The following FER variants were observed in gnomAD, a reference collection of about 807,000 sequenced individuals.
FER encodes the protein tyrosine-protein kinase Fer.
Under a neutral mutation model 111.0 loss-of-function variants are expected in FER, and 63 were observed. The observed-to-expected ratio is 0.57, with a 90% CI of 0.46 to 0.70. The LOEUF (loss-of-function observed/expected upper bound fraction) is 0.70. FER is among the 30% of genes least tolerant of loss of function. The probability of loss-of-function intolerance (pLI) is 0.00; values close to 1 mark genes in which losing one functional copy is unlikely to be tolerated. For synonymous variants in FER, 327 were observed against 313.9 expected (o/e 1.04, Z -0.44); for missense variants, 914 against 954.0 (o/e 0.96, Z 0.55).
chr5:108,850,952 A>T (rs867195352), intron 5 of FER, among the ~76,000 whole-genome samples: 16 of 152,320 alleles, frequency 1.1e-4, no homozygotes, highest in African/African-American at 3.6e-4. Flanking sequence ...AACATGAATT[A>T]AATTAAACTC....
Position 108,868,310 on chromosome 5 carries a change from A to G in FER, c.665+360A>G, listed in dbSNP as rs184003546. Reference sequence around the variant, plus strand: ...AGAGGCTCAAGGAAGAGATTTTTTGAAAGTTTATTTGTCAGCTTCTTGTTT... The same window carrying G: ...AGAGGCTCAAGGAAGAGATTTTTTGGAAGTTTATTTGTCAGCTTCTTGTTT... On this transcript the variant is annotated intron_variant, in intron 6 of 19. Coordinates refer to ENST00000281092, the MANE Select transcript of FER (RefSeq NM_005246.4). 2.0e-3 allele frequency among the ~76,000 whole-genome samples: 303 copies of G among 151,284 alleles called. 1 individual carries two copies. The highest frequency in any genetic ancestry group is 3.1e-3 in the Non-Finnish European group (208 of 67,412).
chr5:108,991,641 C>T (rs1004145821), intron 13 of FER, among the ~76,000 whole-genome samples: 1 of 151,920 alleles, frequency 6.6e-6, no homozygotes, highest in African/African-American at 2.4e-5. Context: ...TCAATATCTC[C>T]TTCCTTATTC....
intron 10 of FER, among the ~76,000 whole-genome samples, chr5:108,932,920 A>C (rs1225596689): frequency 2.1e-5 from 3 of 145,652 alleles, no homozygotes; most frequent in Non-Finnish European, 4.5e-5. Context: ...TTCCTTGTAG[A>C]TTCTGGATAT....
At chr5:108,904,233 A>C (rs1385221599) in intron 10 of FER, among the ~76,000 whole-genome samples, 1 of 152,206 alleles carries the variant, frequency 6.6e-6, no homozygotes, top group Non-Finnish European at 1.5e-5. Context: ...ACAAACAAAT[A>C]AATACATAGT....
intron 13 of FER, among the ~76,000 whole-genome samples, chr5:108,992,264 C>A (rs952272717): frequency 6.6e-6 from 1 of 152,240 alleles, no homozygotes; most frequent in African/African-American, 2.4e-5. Context: ...AAAAGTCTCC[C>A]ATGTCTACTT....
intron 16 of FER, among the ~76,000 whole-genome samples, chr5:109,081,812 A>C (rs1777016385): frequency 6.6e-6 from 1 of 151,956 alleles, no homozygotes; most frequent in Admixed American, 6.6e-5. Flanking sequence ...ATACTCCTAA[A>C]GTATTTATTA....
chr5:109,131,822 A>G lies in FER; in HGVS notation c.2048+31303A>G, dbSNP rs528588676. Among the ~76,000 whole-genome samples the G allele has an allele frequency of 1.2e-4, 19 of 152,280 alleles. No homozygotes were observed. The South Asian group carries it at 3.9e-3, about 32-fold the overall frequency. On this transcript the variant is annotated intron_variant, in intron 17 of 19. Coordinates refer to ENST00000281092, the MANE Select transcript of FER (RefSeq NM_005246.4). ...TAGCTAATAGTTTTGTTATTAGGTT[A>G]AGGGCCTAGGAATCATTGTTTAGCC...
At chr5:108,960,979 T>C (rs1475290484) in intron 13 of FER, among the ~76,000 whole-genome samples, 4 of 152,112 alleles carry the variant, frequency 2.6e-5, no homozygotes, top group Non-Finnish European at 2.9e-5. Flanking sequence ...TCCCAGCTAC[T>C]TGGGGGGCTG....
At chr5:109,057,076 T>G (rs1189336661) in intron 16 of FER, among the ~76,000 whole-genome samples, 1 of 152,206 alleles carries the variant, frequency 6.6e-6, no homozygotes, top group Non-Finnish European at 1.5e-5. Flanking sequence ...AGTATATCTC[T>G]GTAGTTACAT....
intron 9 of FER, among the ~76,000 whole-genome samples, chr5:108,885,824 G>C (rs1162890544): frequency 1.3e-5 from 2 of 151,838 alleles, no homozygotes; most frequent in East Asian, 3.9e-4. Flanking sequence ...GCGAGAACAG[G>C]AAAATTTGAG....
intron 17 of FER, among the ~76,000 whole-genome samples, chr5:109,126,678 T>C (rs1211946949): frequency 2.0e-5 from 3 of 152,198 alleles, no homozygotes; most frequent in African/African-American, 7.2e-5. Context: ...ATTGTTTATT[T>C]TGTGCCAAGT....
At chr5:109,044,572 A>G (rs73779118) in intron 14 of FER, 108 bp from the exon 15 acceptor site, 1 of 573,932 alleles carries the variant, frequency 1.7e-6, no homozygotes, top group Non-Finnish European at 3.1e-6. Flanking sequence ...CACTGGTGAT[A>G]TTGACATGTA....
intron 9 of FER, among the ~76,000 whole-genome samples, chr5:108,891,217 A>G (rs1202956939): frequency 1.3e-5 from 2 of 151,748 alleles, no homozygotes; most frequent in East Asian, 1.9e-4. Context: ...TCATTTTCTA[A>G]TTGGATGTTT....
chr5:109,144,884 T>C (rs1753908547), intron 17 of FER, among the ~76,000 whole-genome samples: 1 of 152,112 alleles, frequency 6.6e-6, no homozygotes, highest in South Asian at 2.1e-4. Context: ...AGAATAAATG[T>C]GGTATTTAAT....
intron 10 of FER, among the ~76,000 whole-genome samples, chr5:108,931,766 G>A (rs565096987): frequency 1.3e-5 from 2 of 152,116 alleles, no homozygotes; most frequent in African/African-American, 2.4e-5. Context: ...GGAGGTGGAG[G>A]TTGCAGTGAG....
At chr5:108,749,953 TC>T (rs1185402381) in intron 1 of FER, among the ~76,000 whole-genome samples, 1 of 152,232 alleles carries the variant, frequency 6.6e-6, no homozygotes, top group Non-Finnish European at 1.5e-5. Flanking sequence ...CAATTCAAAA[TC>T]TAATAATTTG....
intron 17 of FER, among the ~76,000 whole-genome samples, chr5:109,123,290 G>A (rs1012978033): frequency 6.6e-6 from 1 of 151,370 alleles, no homozygotes; most frequent in Non-Finnish European, 1.5e-5. Context: ...TGAGTAGCTG[G>A]GTCTACAGGC....
At chr5:109,182,924 C>T (rs946659664) in intron 18 of FER, among the ~76,000 whole-genome samples, 1 of 152,110 alleles carries the variant, frequency 6.6e-6, no homozygotes, top group East Asian at 1.9e-4. Context: ...TCACTGCAAC[C>T]TCAACCTCCA....
intron 1 of FER, among the ~76,000 whole-genome samples, chr5:108,762,681 G>A (rs564131761): frequency 3.4e-4 from 51 of 152,194 alleles, no homozygotes; most frequent in African/African-American, 1.1e-3. Context: ...AATGGGCCAC[G>A]GTTTTGTGGT....
Sources: allele counts gnomAD v4.1 joint callset (sites outside exome capture counted in the v4.1 genomes callset), GRCh38; gene constraint gnomAD v4.1.1; transcripts MANE v1.5; gene names NCBI Gene and HGNC (gene_info 2026-07-23, HGNC 2026-07-21).